APOO: variants seen among roughly 807,000 people sequenced by gnomAD.
APOO encodes the protein MICOS complex subunit MIC26.
In APOO, 11 loss-of-function variants were observed where a neutral mutation model predicts 23.1. The ratio of observed to expected loss-of-function variants is 0.48; its 90% CI spans 0.30 to 0.79. The LOEUF is 0.79. Ranked by LOEUF, APOO falls within the 30% of genes least tolerant of loss-of-function variation. APOO has a pLI of 0.07. For synonymous variants in APOO, 59 were observed against 54.8 expected, an observed-to-expected ratio of 1.08 and a Z score of -0.34; for missense variants, 160 against 142.7, an observed-to-expected ratio of 1.12 and a Z score of -0.62.
At chrX:23,905,690 A>G (rs887032587) in intron 1 of APOO, among the ~76,000 whole-genome samples, 1 of 112,221 alleles carries the variant, frequency 8.9e-6, no homozygotes, top group Non-Finnish European at 1.9e-5. Context: ...TGCATACAAA[A>G]AAGTCCCAAC....
At chrX:23,885,148 C>T (rs909575958) in intron 1 of APOO, among the ~76,000 whole-genome samples, 4 of 109,155 alleles carry the variant, frequency 3.7e-5, no homozygotes, top group Non-Finnish European at 7.6e-5. Context: ...TCTGTAATCC[C>T]AGCACTTTGG....
chrX:23,874,593 C>A, intron 3 of APOO, 136 bp from the exon 4 acceptor site: 1 of 493,676 alleles, frequency 2.0e-6, no homozygotes, highest in Non-Finnish European at 3.4e-6. Flanking sequence ...GATACACTGT[C>A]TGTCTGGGTC....
intron 1 of APOO, 29 bp from the exon 2 acceptor site, chrX:23,880,981 T>C (rs750294326): frequency 2.0e-5 from 21 of 1,042,144 alleles, no homozygotes; most frequent in Non-Finnish European, 2.7e-5. Flanking sequence ...CTTAAACCTC[T>C]CTATGTTACA....
intron 1 of APOO, among the ~76,000 whole-genome samples, chrX:23,888,980 A>G (rs1397050555): frequency 9.3e-6 from 1 of 107,465 alleles, no homozygotes; most frequent in African/African-American, 3.4e-5. Flanking sequence ...TCTCTACAAA[A>G]AAAAAAAAAA....
At chrX:23,849,785 G>A (rs1181793740) in intron 7 of APOO, among the ~76,000 whole-genome samples, 1 of 106,821 alleles carries the variant, frequency 9.4e-6, no homozygotes, top group Admixed American at 1.0e-4. Flanking sequence ...CCAGCTACTC[G>A]CGAGGCTGAG....
intron 1 of APOO, among the ~76,000 whole-genome samples, chrX:23,896,449 T>C (rs1331593039): frequency 8.9e-6 from 1 of 111,733 alleles, no homozygotes; most frequent in African/African-American, 3.3e-5. Flanking sequence ...TTGAAGATAA[T>C]TCCAAATGAG....
intron 5 of APOO, among the ~76,000 whole-genome samples, chrX:23,865,188 G>A (rs985817284): frequency 3.6e-5 from 4 of 111,154 alleles, no homozygotes; most frequent in Non-Finnish European, 7.5e-5. Flanking sequence ...TCTTGGAGTG[G>A]TCTGGCTGGG....
chrX:23,843,620 T>C (rs1924103572), intron 7 of APOO, among the ~76,000 whole-genome samples: 1 of 97,267 alleles, frequency 1.0e-5, no homozygotes. Flanking sequence ...AGTTTCCCTC[T>C]GTCACCCAGG....
intron 1 of APOO, among the ~76,000 whole-genome samples, chrX:23,885,918 CAAATG>C (rs1300428922): frequency 2.7e-5 from 3 of 111,491 alleles, no homozygotes; most frequent in Non-Finnish European, 5.6e-5. Flanking sequence ...GGGAGACCTA[CAAATG>C]AACACTCCCC....
At chrX:23,893,518 T>C (rs1172479062) in intron 1 of APOO, among the ~76,000 whole-genome samples, 1 of 111,659 alleles carries the variant, frequency 9.0e-6, no homozygotes, top group Admixed American at 9.6e-5. Context: ...CTCTCCTCCA[T>C]AAGGAGCATT....
chrX:23,835,722 T>C (rs1399033779), intron 8 of APOO, among the ~76,000 whole-genome samples: 1 of 80,021 alleles, frequency 1.2e-5, no homozygotes, highest in Non-Finnish European at 2.2e-5. Flanking sequence ...GTACTGTCTA[T>C]GGCAAAAAAA....
At chrX:23,835,209 G>A (rs977575574) in intron 8 of APOO, among the ~76,000 whole-genome samples, 9 of 106,668 alleles carry the variant, frequency 8.4e-5, no homozygotes, top group African/African-American at 3.1e-4. Flanking sequence ...TTACAGGCAG[G>A]CGCCACCACG....
intron 5 of APOO, among the ~76,000 whole-genome samples, chrX:23,861,838 C>T (rs957608314): frequency 1.1e-5 from 1 of 90,164 alleles, no homozygotes; most frequent in Non-Finnish European, 2.1e-5. Flanking sequence ...GAGTCTTGCT[C>T]TGTTGCTCAG....
chrX:23,843,563 A>T (rs1924092897), intron 7 of APOO, among the ~76,000 whole-genome samples: 1 of 107,046 alleles, frequency 9.3e-6, no homozygotes, highest in Non-Finnish European at 1.9e-5. Context: ...ACGTCCATGA[A>T]CACAAATGAC....
At chrX:23,874,549 A>C in intron 3 of APOO, 92 bp from the exon 4 acceptor site, 1 of 771,019 alleles carries the variant, frequency 1.3e-6, no homozygotes, top group Non-Finnish European at 2.0e-6. Flanking sequence ...TTACTGAATA[A>C]ATTATCATGT....
At chrX:23,882,899 G>A (rs1328644042) in intron 1 of APOO, among the ~76,000 whole-genome samples, 1 of 110,381 alleles carries the variant, frequency 9.1e-6, no homozygotes, top group East Asian at 2.8e-4. Context: ...CACCCACCGC[G>A]GCCTCCCAAA....
intron 6 of APOO, among the ~76,000 whole-genome samples, chrX:23,857,594 T>G (rs767161556): frequency 8.9e-6 from 1 of 111,999 alleles, no homozygotes; most frequent in Admixed American, 9.5e-5. Flanking sequence ...TCAAGGAATC[T>G]GGATTCAATA....
intron 7 of APOO, among the ~76,000 whole-genome samples, chrX:23,843,579 C>CTTTTTT (rs747271141): frequency 2.8e-4 from 17 of 61,716 alleles, no homozygotes; most frequent in Non-Finnish European, 4.3e-4. Flanking sequence ...ATGACAATTT[C>CTTTTTT]TTTTTTTTTT....
In APOO at chrX:23,907,830, G is replaced by A. The variant is rs1437123678; in HGVS notation, c.-128C>T. On this transcript the variant is annotated 5_prime_UTR_variant, in exon 1 of 9. Coordinates refer to ENST00000379226, the MANE Select transcript of APOO (RefSeq NM_024122.5). ...GCAAGCAGGCAGCGGTGCGGGTGAC[G>A]GCCGTACTGCAAACTCGGTGCGGCG... The A allele has an allele frequency of 6.6e-6, 5 of 752,004 alleles. No individual in the cohort carries two copies. In the East Asian group the frequency reaches 1.2e-4, roughly 18 times the overall value. The allele number at this position is 752,004 out of a possible 1,213,427, so 62.0% of individuals were successfully genotyped here. A position where few individuals can be genotyped will look rare whatever the true frequency, so the allele number is the denominator to read the frequency against.
Sources: gnomAD v4.1 joint callset for allele counts (sites outside exome capture counted in the v4.1 genomes callset) on GRCh38, gnomAD v4.1.1 for gene constraint, MANE v1.5 for transcripts, NCBI Gene and HGNC (gene_info 2026-07-23, HGNC 2026-07-21) for gene names.